REPS2: variants seen among roughly 807,000 people sequenced by gnomAD.
REPS2 encodes RALBP1 associated Eps domain containing 2.
Under a neutral mutation model 53.6 loss-of-function variants are expected in REPS2, and 23 were observed. The ratio of observed to expected loss-of-function variants is 0.43; its 90% CI spans 0.31 to 0.61. The LOEUF is 0.61. Ranked by LOEUF, REPS2 falls within the 20% of genes least tolerant of loss-of-function variation. The pLI, the probability that REPS2 is intolerant of heterozygous loss-of-function variation, is 0.11. For synonymous variants in REPS2, 238 were observed against 218.6 expected, an observed-to-expected ratio of 1.09 and a Z score of -0.78; for missense variants, 446 against 534.9, an observed-to-expected ratio of 0.83 and a Z score of 1.64.
the REPS2 span, among the ~76,000 whole-genome samples, chrX:17,174,314 C>G: frequency 6.2e-5 from 7 of 112,180 alleles, no homozygotes; most frequent in East Asian, 2.8e-4. Context: ...TGCTTGGGCC[C>G]GTACTTGAAA....
At chrX:16,972,261 G>A (rs180973876) in intron 1 of REPS2, among the ~76,000 whole-genome samples, 1 of 112,592 alleles carries the variant, frequency 8.9e-6, no homozygotes, top group African/African-American at 3.2e-5. Flanking sequence ...GTGGAAAAAT[G>A]TGGACATTGA....
chrX:17,144,868 C>T lies in REPS2; in HGVS notation c.1915-2545C>T, dbSNP rs149305725. Among the ~76,000 whole-genome samples, 303 of 111,735 alleles carry T rather than the reference C, an allele frequency of 2.7e-3. 1 individual carries two copies. The highest frequency in any genetic ancestry group is 9.3e-3 in the African/African-American group (286 of 30,680). ...GAACTCACACTAATTCCAGGAGATG[C>T]AAAGTGTCACTGTGGCCCATCAGAG... is the stretch of plus-strand genomic sequence containing the variant. On this transcript the variant is annotated intron_variant, in intron 17 of 17. Coordinates refer to ENST00000357277, the MANE Select transcript of REPS2 (RefSeq NM_004726.3).
intron 14 of REPS2, among the ~76,000 whole-genome samples, chrX:17,104,178 T>C (rs111317771): frequency 0.025 from 2,836 of 111,904 alleles, 91 homozygotes; most frequent in African/African-American, 0.087. Context: ...TCTACATAAA[T>C]GAAAAATAAA....
At chrX:17,084,056 A>C (rs1329960317) in intron 13 of REPS2, among the ~76,000 whole-genome samples, 1 of 106,033 alleles carries the variant, frequency 9.4e-6, no homozygotes, top group African/African-American at 3.5e-5. Context: ...CCCCATACCT[A>C]TTAGCAATCA....
At chrX:17,155,204 T>C (rs901932955), downstream of REPS2, among the ~76,000 whole-genome samples, 1 of 111,741 alleles carries the variant, frequency 8.9e-6, no homozygotes, top group Non-Finnish European at 1.9e-5. Flanking sequence ...GAGGGCATTC[T>C]TGCTGGTGGG....
At chrX:17,179,931 A>G in the REPS2 span, among the ~76,000 whole-genome samples, 5 of 112,305 alleles carry the variant, frequency 4.5e-5, no homozygotes, top group Non-Finnish European at 7.5e-5. Context: ...TAATTGCCTT[A>G]GAGAGATGGC....
chrX:17,030,306 CAAAG>C (rs1478226393), intron 5 of REPS2, among the ~76,000 whole-genome samples: 9 of 81,458 alleles, frequency 1.1e-4, no homozygotes, highest in Admixed American at 1.7e-4. Context: ...GTTATATTCT[CAAAG>C]AAGGGTGTGT....
At chrX:17,124,799 TA>T (rs1274797792) in intron 14 of REPS2, among the ~76,000 whole-genome samples, 129 of 95,649 alleles carry the variant, frequency 1.3e-3, no homozygotes, top group East Asian at 1.3e-3. Flanking sequence ...ATTGCAAACC[TA>T]AAAAAAAAAA....
At chrX:17,102,537 C>G (rs747499954) in intron 13 of REPS2, among the ~76,000 whole-genome samples, 52 of 112,245 alleles carry the variant, frequency 4.6e-4, no homozygotes, top group Non-Finnish European at 4.3e-4. Flanking sequence ...CTCACCACCT[C>G]TGGAGTTTTA....
chrX:17,056,617 C>T (rs1417907707), intron 8 of REPS2, among the ~76,000 whole-genome samples: 1 of 110,379 alleles, frequency 9.1e-6, no homozygotes, highest in Non-Finnish European at 1.9e-5. Context: ...ATGGCATGAA[C>T]CCGGGAGGCG....
rs185532484 is a variant in REPS2, at chrX:16,949,554, C to G, written c.273+2420C>G. The stretch of plus-strand genomic sequence containing the variant: ...TCCTGAGTAGCTGGGACTACAGGCG[C>G]ACGCCACCTCTCCCGGCTAATTTTT... On this transcript the variant is annotated intron_variant, in intron 1 of 17. Coordinates refer to ENST00000357277, the MANE Select transcript of REPS2 (RefSeq NM_004726.3). 2.0e-3 allele frequency among the ~76,000 whole-genome samples: 226 copies of G among 111,511 alleles called. 1 individual carries two copies. Among genetic ancestry groups the G allele is most frequent in the African/African-American group, 6.6e-3 (202 of 30,708 alleles).
intron 1 of REPS2, among the ~76,000 whole-genome samples, chrX:16,994,388 C>T (rs1005933789): frequency 4.6e-5 from 5 of 108,961 alleles, no homozygotes; most frequent in East Asian, 2.9e-4. Flanking sequence ...TATACACACA[C>T]GTACATATAT....
At chrX:17,101,122 C>T (rs1198764823) in intron 13 of REPS2, among the ~76,000 whole-genome samples, 7 of 99,062 alleles carry the variant, frequency 7.1e-5, no homozygotes, top group South Asian at 5.0e-4. Context: ...GGTGTGATCT[C>T]GGCTCACTGA....
chrX:16,984,153 A>G (rs1210553120), intron 1 of REPS2, among the ~76,000 whole-genome samples: 1 of 112,316 alleles, frequency 8.9e-6, no homozygotes, highest in Non-Finnish European at 1.9e-5. Context: ...CAGGATCTCT[A>G]TGGAGATTGC....
At chrX:17,184,811 G>A in the REPS2 span, among the ~76,000 whole-genome samples, 1 of 111,787 alleles carries the variant, frequency 8.9e-6, no homozygotes, top group Non-Finnish European at 1.9e-5. Flanking sequence ...GTGTTTTTTG[G>A]CTGCATAAAT....
chrX:17,058,168 A>G (rs764463802), intron 8 of REPS2, among the ~76,000 whole-genome samples: 4 of 112,040 alleles, frequency 3.6e-5, no homozygotes, highest in Non-Finnish European at 7.5e-5. Context: ...AGTCACTGAC[A>G]TAACGGCTGG....
intron 1 of REPS2, among the ~76,000 whole-genome samples, chrX:16,985,597 C>A (rs147745297): frequency 4.5e-5 from 5 of 111,628 alleles, no homozygotes; most frequent in Non-Finnish European, 7.5e-5. Context: ...AAAAAATCCA[C>A]GATTTGAAGA....
chrX:16,957,547 A>C (rs2060611978), intron 1 of REPS2, among the ~76,000 whole-genome samples: 1 of 112,091 alleles, frequency 8.9e-6, no homozygotes, highest in African/African-American at 3.2e-5. Context: ...TGTGAAAAAC[A>C]GATGATGATA....
At chrX:17,189,378 C>G in the REPS2 span, among the ~76,000 whole-genome samples, 1 of 109,062 alleles carries the variant, frequency 9.2e-6, no homozygotes, top group African/African-American at 3.3e-5. Flanking sequence ...CTCCGCCTCC[C>G]GGGTTCAAGC....
Sources: allele counts gnomAD v4.1 joint callset (sites outside exome capture counted in the v4.1 genomes callset), GRCh38; gene constraint gnomAD v4.1.1; transcripts MANE v1.5; gene names NCBI Gene and HGNC (gene_info 2026-07-23, HGNC 2026-07-21).